The following ZZZ3 variants were observed in gnomAD, a reference collection of about 807,000 sequenced individuals.
ZZZ3 encodes ZZ-type zinc finger-containing protein 3.
Under a neutral mutation model 95.2 loss-of-function variants are expected in ZZZ3, and 22 were observed. The observed-to-expected ratio is 0.23, with a 90% CI of 0.17 to 0.33. ZZZ3 has a LOEUF of 0.33. Among genes scored for constraint, ZZZ3 ranks in the 10% least tolerant of loss-of-function variants. The pLI, the probability that ZZZ3 is intolerant of heterozygous loss-of-function variation, is 1.00. For missense variants in ZZZ3, 885 were observed against 1,066.5 expected (o/e 0.83, Z 2.37); for synonymous variants, 335 against 358.9 (o/e 0.93, Z 0.75).
chr1:77,589,089 C>T (rs1663396834), intron 5 of ZZZ3, among the ~76,000 whole-genome samples: 1 of 152,194 alleles, frequency 6.6e-6, no homozygotes, highest in African/African-American at 2.4e-5. Context: ...GTCGCCCAGG[C>T]TGATCTCAAA....
At chr1:77,671,687 T>C (rs1223308946) in intron 1 of ZZZ3, among the ~76,000 whole-genome samples, 1 of 152,182 alleles carries the variant, frequency 6.6e-6, no homozygotes, top group African/African-American at 2.4e-5. Flanking sequence ...CTAGCATGTA[T>C]CTGGCCCACA....
At chr1:77,636,566 T>A (rs1469326722) in intron 4 of ZZZ3, among the ~76,000 whole-genome samples, 1 of 151,626 alleles carries the variant, frequency 6.6e-6, no homozygotes, top group African/African-American at 2.4e-5. Context: ...TACAAAAAAT[T>A]TATCCAGGTG....
In ZZZ3 at chr1:77,581,795, C is replaced by A; in HGVS notation, c.1889G>T (p.Gly630Val). 6.2e-7 allele frequency: 1 copy of A among 1,613,334 alleles called. No individual in the cohort carries two copies. Among genetic ancestry groups the A allele is most frequent in the South Asian group, 1.1e-5 (1 of 90,896 alleles). ...SMLPLSDGPE[G>V]SSSRPQMIRG... ...GCTTACCTGAGGACGACTGCTTGAG[C>A]CTTCTGGACCATCACTCAAAGGCAA... Residue 630 changes from glycine (G) to valine (V), a missense_variant, in exon 8 of 15, where the codon GGC becomes GTC. By Grantham distance (109) the Gly-to-Val change is moderately radical. This residue lies in a region of ZZZ3 where 99 missense variants were observed against 119.8 expected (regional missense o/e 0.83). Coordinates refer to ENST00000370801, the MANE Select transcript of ZZZ3 (RefSeq NM_015534.6).
chr1:77,606,550 C>T (rs1665253314), intron 5 of ZZZ3, among the ~76,000 whole-genome samples: 1 of 152,178 alleles, frequency 6.6e-6, no homozygotes, highest in African/African-American at 2.4e-5. Context: ...TGCTGTGCTG[C>T]CTTCAAGTCT....
chr1:77,643,183 G>GA (rs1208640081), intron 1 of ZZZ3, among the ~76,000 whole-genome samples: 2 of 150,988 alleles, frequency 1.3e-5, no homozygotes, highest in African/African-American at 4.9e-5. Context: ...AAAAAAAAAA[G>GA]AAAAAACCGA....
intron 5 of ZZZ3, among the ~76,000 whole-genome samples, chr1:77,609,316 G>A (rs1251006249): frequency 1.4e-4 from 21 of 152,028 alleles, no homozygotes; most frequent in African/African-American, 2.4e-5. Flanking sequence ...ATGATGAAGG[G>A]ATCAATTCAG....
At chr1:77,623,771 C>A (rs962551643) in intron 5 of ZZZ3, among the ~76,000 whole-genome samples, 2 of 152,142 alleles carry the variant, frequency 1.3e-5, no homozygotes, top group Non-Finnish European at 2.9e-5. Context: ...GAAAATCTTG[C>A]CTGAGAGGGT....
rs1489450041 is a variant in ZZZ3 at position 77,633,141 on chromosome 1, T to C, written c.214A>G (p.Lys72Glu). Residue 72 changes from lysine (K) to glutamate (E), a missense_variant, in exon 5 of 15, where the codon AAA (lysine) becomes GAA (glutamate). Lys to Glu is a moderately conservative substitution (Grantham distance 56). This residue lies in a region of ZZZ3 where 556 missense variants were observed against 652.9 expected (regional missense o/e 0.85). Transcript: ENST00000370801. Reference protein sequence around the residue: ...GNNNGRTTDLKQQSTRESWVS... With the variant: ...GNNNGRTTDLEQQSTRESWVS... ...CATGATTCTCGGGTACTCTGCTGTT[T>C]TAAATCAGTGGTTCTCCCATTATTA... 1 of 1,613,996 alleles carries C rather than the reference T, an allele frequency of 6.2e-7. No individual in the cohort carries two copies. The highest frequency in any genetic ancestry group is 8.5e-7 in the Non-Finnish European group (1 of 1,179,990).
At chr1:77,620,012 C>CTTA (rs1666691100) in intron 5 of ZZZ3, among the ~76,000 whole-genome samples, 1 of 151,996 alleles carries the variant, frequency 6.6e-6, no homozygotes, top group Non-Finnish European at 1.5e-5. Flanking sequence ...TCTCAAAGAG[C>CTTA]TTATGGTCTC....
intron 1 of ZZZ3, among the ~76,000 whole-genome samples, chr1:77,644,705 A>C (rs2100924474): frequency 6.6e-6 from 1 of 152,362 alleles, no homozygotes; most frequent in African/African-American, 2.4e-5. Flanking sequence ...GTTATTGTGA[A>C]GTTCAAAAGA....
At chr1:77,642,027 T>C (rs1307610787) in intron 1 of ZZZ3, among the ~76,000 whole-genome samples, 1 of 152,194 alleles carries the variant, frequency 6.6e-6, no homozygotes, top group African/African-American at 2.4e-5. Context: ...TGTTTTATAT[T>C]TTAGGGAATA....
chr1:77,652,034 G>C (rs993039495), intron 1 of ZZZ3, among the ~76,000 whole-genome samples: 4 of 147,352 alleles, frequency 2.7e-5, no homozygotes, highest in Non-Finnish European at 6.0e-5. Context: ...AAAAAAAAAA[G>C]GTTAAAATGG....
chr1:77,609,280 A>C lies in ZZZ3; in HGVS notation c.1505+22570T>G, dbSNP rs139605826. Among the ~76,000 whole-genome samples, 220 of 152,310 alleles carry C rather than the reference A, an allele frequency of 1.4e-3. 6 individuals are homozygous for C. The East Asian group carries it at 0.036, about 25-fold the overall frequency. ...ATAGATTTTAAGACAAAATCTATAA[A>C]AAGAGACAAAGAAGGTCACTATGTA... On this transcript the variant is annotated intron_variant, in intron 5 of 14. Coordinates refer to ENST00000370801, the MANE Select transcript of ZZZ3 (RefSeq NM_015534.6).
intron 1 of ZZZ3, among the ~76,000 whole-genome samples, chr1:77,678,057 A>G (rs1015867574): frequency 1.1e-4 from 16 of 152,164 alleles, no homozygotes; most frequent in Non-Finnish European, 2.4e-4. Context: ...AAAAAAACTC[A>G]CTACAAAAAC....
chr1:77,637,017 G>A (rs1306726595), intron 4 of ZZZ3, among the ~76,000 whole-genome samples: 2 of 152,048 alleles, frequency 1.3e-5, no homozygotes, highest in African/African-American at 4.8e-5. Context: ...GCTCAATCAC[G>A]GGCATCTCCT....
At chr1:77,643,788 C>G (rs1668998747) in intron 1 of ZZZ3, among the ~76,000 whole-genome samples, 1 of 152,168 alleles carries the variant, frequency 6.6e-6, no homozygotes, top group African/African-American at 2.4e-5. Context: ...ATAAGCCACA[C>G]AACTTACTAT....
At chr1:77,609,016 G>A (rs1482450546) in intron 5 of ZZZ3, among the ~76,000 whole-genome samples, 2 of 152,062 alleles carry the variant, frequency 1.3e-5, no homozygotes, top group African/African-American at 2.4e-5. Flanking sequence ...AAAATGGCAG[G>A]AGTAAGTCTT....
intron 4 of ZZZ3, among the ~76,000 whole-genome samples, chr1:77,637,017 G>T (rs1306726595): frequency 6.6e-6 from 1 of 152,048 alleles, no homozygotes; most frequent in East Asian, 1.9e-4. Flanking sequence ...GCTCAATCAC[G>T]GGCATCTCCT....
intron 11 of ZZZ3, among the ~76,000 whole-genome samples, chr1:77,578,555 A>T (rs1431318149): frequency 6.6e-6 from 1 of 152,240 alleles, no homozygotes; most frequent in Non-Finnish European, 1.5e-5. Context: ...AGTAGCACTC[A>T]TTCACATTAC....
Sources: allele counts gnomAD v4.1 joint callset (sites outside exome capture counted in the v4.1 genomes callset), GRCh38; gene constraint gnomAD v4.1.1; regional missense constraint gnomAD v4.1.1; transcripts MANE v1.5; gene names NCBI Gene and HGNC (gene_info 2026-07-23, HGNC 2026-07-21).